Variants in RERE observed in about 807,000 individuals in gnomAD.
The protein encoded by RERE is arginine-glutamic acid dipeptide repeats, also known as arginine-glutamic acid dipeptide repeats protein.
In RERE, 40 loss-of-function variants were observed where a neutral mutation model predicts 146.1. The ratio of observed to expected loss-of-function variants is 0.27; its 90% CI spans 0.21 to 0.36. RERE has a LOEUF of 0.36. Among genes scored for constraint, RERE ranks in the 10% least tolerant of loss-of-function variants. RERE has a pLI of 1.00. For synonymous variants in RERE, 1,003 were observed against 866.0 expected (o/e 1.16, Z -2.78); for missense variants, 1,933 against 2,138.7 (o/e 0.90, Z 1.90).
chr1:8,787,018 C>T, intron 1 of RERE: 1 of 575,822 alleles, frequency 1.7e-6, no homozygotes, highest in Non-Finnish European at 3.1e-6. Flanking sequence ...GATTCTGTCA[C>T]ACACACCTGA....
intron 11 of RERE, among the ~76,000 whole-genome samples, chr1:8,435,397 T>C (rs149202399): frequency 1.3e-4 from 20 of 152,352 alleles, no homozygotes; most frequent in African/African-American, 2.4e-4. Flanking sequence ...CTGGAGATGA[T>C]TGGGCTTAGT....
At chr1:8,682,272 A>G (rs992490050) in intron 1 of RERE, among the ~76,000 whole-genome samples, 2 of 152,256 alleles carry the variant, frequency 1.3e-5, no homozygotes, top group African/African-American at 4.8e-5. Context: ...TTCATGACTA[A>G]TAATTTCAAC....
At chr1:8,608,915 T>A (rs1646756225) in intron 4 of RERE, among the ~76,000 whole-genome samples, 1 of 151,950 alleles carries the variant, frequency 6.6e-6, no homozygotes, top group South Asian at 2.1e-4. Context: ...AAACCCTGTC[T>A]CTACTAAAAA....
Position 8,724,733 on chromosome 1 carries a change from G to A in RERE, c.-144-68292C>T, listed in dbSNP as rs184475785. ...AATCCCAGCTACTCAGGAGGCTGAG[G>A]CAGGAGAATCCCTTGAACCCGGGAG... On this transcript the variant is annotated intron_variant, in intron 1 of 22. Transcript: ENST00000400908. 7.5e-4 allele frequency among the ~76,000 whole-genome samples: 114 copies of A among 152,114 alleles called. 1 individual carries two copies. The highest frequency in any genetic ancestry group is 2.3e-3 in the Admixed American group (35 of 15,284).
At chr1:8,546,880 A>G (rs913664086) in intron 6 of RERE, among the ~76,000 whole-genome samples, 3 of 151,780 alleles carry the variant, frequency 2.0e-5, no homozygotes, top group South Asian at 4.1e-4. Flanking sequence ...AAAAATTAAG[A>G]TTATTAGCTT....
intron 12 of RERE, among the ~76,000 whole-genome samples, chr1:8,409,843 C>T (rs1413466647): frequency 6.6e-6 from 1 of 152,040 alleles, no homozygotes; most frequent in African/African-American, 2.4e-5. Flanking sequence ...CTCCCAGGAG[C>T]AAAGAGCCTA....
chr1:8,494,642 G>A (rs1298956736), intron 10 of RERE, among the ~76,000 whole-genome samples: 2 of 152,202 alleles, frequency 1.3e-5, no homozygotes, highest in African/African-American at 4.8e-5. Context: ...AGAACGGTGT[G>A]AAGCCGGGAA....
At chr1:8,372,777 G>A (rs567410454) in intron 12 of RERE, among the ~76,000 whole-genome samples, 2 of 152,326 alleles carry the variant, frequency 1.3e-5, no homozygotes, top group South Asian at 4.1e-4. Flanking sequence ...AGGCAGGCAG[G>A]CATCTAAACC....
In RERE at chr1:8,729,879, C is replaced by T. The variant is rs76778979; in HGVS notation, c.-144-73438G>A. ...TATGATGGTTCACATCAGGCTTTTC[C>T]AAAGACTGAATGAAGAGCTCTAAGG... On this transcript the variant is annotated intron_variant, in intron 1 of 22. Coordinates refer to ENST00000400908, the MANE Select transcript of RERE (RefSeq NM_001042681.2). 1.9e-3 allele frequency among the ~76,000 whole-genome samples: 282 copies of T among 152,238 alleles called. 2 individuals carry two copies. Among genetic ancestry groups the T allele is most frequent in the African/African-American group, 6.6e-3 (273 of 41,534 alleles).
At chr1:8,394,235 C>T (rs1346905477) in intron 12 of RERE, among the ~76,000 whole-genome samples, 1 of 152,224 alleles carries the variant, frequency 6.6e-6, no homozygotes, top group Non-Finnish European at 1.5e-5. Flanking sequence ...ATCTTGCACA[C>T]AACACTATAC....
rs1638284771 is a variant in RERE at position 8,656,122 on chromosome 1, T to C, written c.176A>G (p.Glu59Gly). 6.2e-7 allele frequency: 1 copy of C among 1,614,004 alleles called. No homozygotes were observed. The highest frequency in any genetic ancestry group is 1.1e-5 in the South Asian group (1 of 91,078). The part of the protein sequence containing the change: ...NYAESDHSED[E>G]DNDNNSATAE... ...GGTGGCACTATTGTTGTCATTGTCCTCGTCTTCACTGTGATCACTCTCAGC... is the reference window on the plus strand; with the variant it reads ...GGTGGCACTATTGTTGTCATTGTCCCCGTCTTCACTGTGATCACTCTCAGC... The change falls in exon 2 of 23, where the codon GAG becomes GGG. Residue 59 changes from glutamate (E) to glycine (G), a missense_variant. Transcript: ENST00000400908.
chr1:8,594,882 G>A (rs1646536966), intron 4 of RERE, among the ~76,000 whole-genome samples: 1 of 152,100 alleles, frequency 6.6e-6, no homozygotes, highest in Non-Finnish European at 1.5e-5. Flanking sequence ...CGGGGGCCAG[G>A]CACAGTGGCT....
intron 1 of RERE, among the ~76,000 whole-genome samples, chr1:8,755,957 T>C (rs1455463670): frequency 6.6e-6 from 1 of 152,008 alleles, no homozygotes; most frequent in Non-Finnish European, 1.5e-5. Flanking sequence ...TACAGCATAC[T>C]ACCACAACAA....
chr1:8,378,823 C>A (rs556608748), intron 12 of RERE, among the ~76,000 whole-genome samples: 1 of 152,292 alleles, frequency 6.6e-6, no homozygotes, highest in East Asian at 1.9e-4. Context: ...GAGGAACCAG[C>A]AGAGAAGTGA....
chr1:8,393,593 A>G (rs1642957670), intron 12 of RERE, among the ~76,000 whole-genome samples: 1 of 152,180 alleles, frequency 6.6e-6, no homozygotes, highest in Non-Finnish European at 1.5e-5. Context: ...ATAAAGCATA[A>G]TGGGCATCTC....
chr1:8,566,499 A>C (rs2124442995), intron 4 of RERE, among the ~76,000 whole-genome samples: 1 of 152,140 alleles, frequency 6.6e-6, no homozygotes, highest in East Asian at 2.0e-4. Flanking sequence ...GACCGCCTGT[A>C]ATCCCAGCTA....
intron 1 of RERE, among the ~76,000 whole-genome samples, chr1:8,758,414 C>T (rs1168045624): frequency 1.4e-5 from 2 of 139,068 alleles, no homozygotes; most frequent in Non-Finnish European, 3.1e-5. Context: ...TTTAAAGAAA[C>T]GGGGTTTCAC....
intron 2 of RERE, among the ~76,000 whole-genome samples, chr1:8,640,304 T>C (rs1647160472): frequency 6.6e-6 from 1 of 152,214 alleles, no homozygotes; most frequent in Non-Finnish European, 1.5e-5. Context: ...GAATCTCTAT[T>C]GATCAGTCTA....
chr1:8,561,140 G>C (rs1171163020), intron 4 of RERE, among the ~76,000 whole-genome samples: 1 of 152,076 alleles, frequency 6.6e-6, no homozygotes, highest in East Asian at 1.9e-4. Context: ...TAACTGCTTT[G>C]GTTTATTTGT....
Sources: gnomAD v4.1 joint callset for allele counts (sites outside exome capture counted in the v4.1 genomes callset) on GRCh38, gnomAD v4.1.1 for gene constraint, MANE v1.5 for transcripts, NCBI Gene and HGNC (gene_info 2026-07-23, HGNC 2026-07-21) for gene names.